ASNS: variants seen among roughly 807,000 people sequenced by gnomAD.
ASNS encodes asparagine synthetase [glutamine-hydrolyzing].
Under a neutral mutation model 62.6 loss-of-function variants are expected in ASNS, and 37 were observed. The observed-to-expected ratio is 0.59, with a 90% CI of 0.45 to 0.78. The LOEUF (loss-of-function observed/expected upper bound fraction) is 0.78. Among genes scored for constraint, ASNS ranks in the 30% least tolerant of loss-of-function variants. ASNS has a pLI of 0.00. For missense variants in ASNS, 520 were observed against 682.4 expected, an observed-to-expected ratio of 0.76 and a Z score of 2.65; for synonymous variants, 207 against 237.9, an observed-to-expected ratio of 0.87 and a Z score of 1.19.
chr7:97,885,079 A>G, the ASNS span, among the ~76,000 whole-genome samples: 1 of 152,184 alleles, frequency 6.6e-6, no homozygotes, highest in Non-Finnish European at 1.5e-5. Flanking sequence ...TTTAGTAGAG[A>G]CAGGGTTTCT....
At chr7:97,903,445 C>T in the ASNS span, among the ~76,000 whole-genome samples, 1 of 152,148 alleles carries the variant, frequency 6.6e-6, no homozygotes, top group Non-Finnish European at 1.5e-5. Flanking sequence ...TGCAGACATC[C>T]ACCCACAGAT....
At chr7:97,889,764 A>G in the ASNS span, among the ~76,000 whole-genome samples, 2 of 151,876 alleles carry the variant, frequency 1.3e-5, no homozygotes, top group African/African-American at 4.8e-5. Context: ...TCACATAAGG[A>G]TGCAAGAAAT....
At chr7:97,926,891 C>A in the ASNS span, among the ~76,000 whole-genome samples, 3 of 152,042 alleles carry the variant, frequency 2.0e-5, no homozygotes, top group South Asian at 6.2e-4. Context: ...GCTTAAGACT[C>A]TTGTGGGTCT....
the ASNS span, among the ~76,000 whole-genome samples, chr7:97,918,201 A>G: frequency 6.6e-6 from 1 of 152,240 alleles, no homozygotes; most frequent in African/African-American, 2.4e-5. Flanking sequence ...TCGTGCCATC[A>G]TCTGCAGAAG....
the ASNS span, among the ~76,000 whole-genome samples, chr7:97,905,904 G>A: frequency 6.6e-6 from 1 of 152,154 alleles, no homozygotes; most frequent in Non-Finnish European, 1.5e-5. Flanking sequence ...ATGCCCTCAA[G>A]TCATTACCCT....
chr7:97,895,650 G>A, the ASNS span, among the ~76,000 whole-genome samples: 87 of 152,246 alleles, frequency 5.7e-4, no homozygotes, highest in African/African-American at 1.9e-3. Flanking sequence ...AATTAGCCAG[G>A]CATGGTGGTA....
chr7:97,851,958 AT>A lies in ASNS; in HGVS notation c.*300del. 1 of 370,634 alleles carries A rather than the reference AT, an allele frequency of 2.7e-6. No homozygotes were observed. The allele number at this position is 370,634 out of a possible 1,614,324, so 23.0% of individuals were successfully genotyped here. On this transcript the variant is annotated 3_prime_UTR_variant, in exon 13 of 13. Transcript: ENST00000394308. Reference sequence around the variant, plus strand: ...TGGAAGGAAGCCACACGGGCACAAGATGCAAATGTCATCTAAAGCAGCTCTG... The same window carrying A: ...TGGAAGGAAGCCACACGGGCACAAGAGCAAATGTCATCTAAAGCAGCTCTG...
At chr7:97,863,993 C>A (rs544104353) in intron 4 of ASNS, 36 of 338,578 alleles carry the variant, frequency 1.1e-4, no homozygotes, top group Non-Finnish European at 1.9e-4. Flanking sequence ...AAACTTAAAA[C>A]TGCACTTAAG....
intron 2 of ASNS, 117 bp downstream of exon 2, chr7:97,869,661 T>C (rs1003299651): frequency 6.4e-6 from 1 of 157,378 alleles, no homozygotes; most frequent in African/African-American, 2.4e-5. Flanking sequence ...TTAAATGCCC[T>C]CTTTATCTGA....
chr7:97,915,959 TGGACTCAGAGGCCAA>T, the ASNS span, among the ~76,000 whole-genome samples: 6 of 152,286 alleles, frequency 3.9e-5, no homozygotes, highest in African/African-American at 1.4e-4. Flanking sequence ...GAGGCTGCCA[TGGACTCAGAGGCCAA>T]GTTCAACCTG....
At chr7:97,903,965 G>A in the ASNS span, among the ~76,000 whole-genome samples, 1 of 152,086 alleles carries the variant, frequency 6.6e-6, no homozygotes, top group Admixed American at 6.5e-5. Flanking sequence ...CAGTAAAAGG[G>A]GGGTTCTGCC....
chr7:97,888,012 T>C, the ASNS span, among the ~76,000 whole-genome samples: 1 of 151,340 alleles, frequency 6.6e-6, no homozygotes, highest in African/African-American at 2.5e-5. Context: ...TCTCCCTCTT[T>C]GCCTAGGCTA....
At chr7:97,914,761 T>C in the ASNS span, among the ~76,000 whole-genome samples, 4 of 141,950 alleles carry the variant, frequency 2.8e-5, no homozygotes, top group African/African-American at 1.1e-4. Context: ...ATTAGGTATC[T>C]CACCTTTCAT....
At chr7:97,880,376 G>A in the ASNS span, among the ~76,000 whole-genome samples, 3 of 152,168 alleles carry the variant, frequency 2.0e-5, no homozygotes, top group South Asian at 2.1e-4. Flanking sequence ...CGCCTACCTC[G>A]GCTTCCCAAA....
At chr7:97,915,947 G>A in the ASNS span, among the ~76,000 whole-genome samples, 1 of 152,098 alleles carries the variant, frequency 6.6e-6, no homozygotes, top group African/African-American at 2.4e-5. Flanking sequence ...TATTTCCCAT[G>A]TGAGGCTGCC....
At chr7:97,853,421 T>C in intron 10 of ASNS, 35 bp from the exon 11 acceptor site, 1 of 1,577,790 alleles carries the variant, frequency 6.3e-7, no homozygotes, top group Non-Finnish European at 8.7e-7. Flanking sequence ...TAAATTAAAA[T>C]GGGTATTTAG....
chr7:97,914,299 C>A, the ASNS span, among the ~76,000 whole-genome samples: 1 of 151,864 alleles, frequency 6.6e-6, no homozygotes, highest in Non-Finnish European at 1.5e-5. Context: ...TAGGGTGTGT[C>A]ATCACCTGCA....
intron 8 of ASNS, 62 bp downstream of exon 8, chr7:97,856,628 A>C (rs1791445837): frequency 7.2e-7 from 1 of 1,392,874 alleles, no homozygotes; most frequent in Admixed American, 2.3e-5. Context: ...AATTTTTTTA[A>C]ACCTTACATT....
chr7:97,884,544 C>G, the ASNS span, among the ~76,000 whole-genome samples: 2 of 151,822 alleles, frequency 1.3e-5, no homozygotes, highest in Non-Finnish European at 2.9e-5. Context: ...AGTGAAAGTC[C>G]GTCTCCAAAA....
Sources: gnomAD v4.1 joint callset for allele counts (sites outside exome capture counted in the v4.1 genomes callset) on GRCh38, gnomAD v4.1.1 for gene constraint, MANE v1.5 for transcripts, NCBI Gene and HGNC (gene_info 2026-07-23, HGNC 2026-07-21) for gene names.